The following SMIM21 variants were observed in gnomAD, a reference collection of about 807,000 sequenced individuals.
The protein encoded by SMIM21 is small integral membrane protein 21, also known as chromosome 18 open reading frame 62.
Under a neutral mutation model 8.6 loss-of-function variants are expected in SMIM21, and 8 were observed. The observed-to-expected ratio is 0.93, with a 90% CI of 0.55 to 1.68. The LOEUF (loss-of-function observed/expected upper bound fraction) is 1.68, where lower values mean the gene tolerates loss of function less well. Among genes scored for constraint, SMIM21 ranks in the 40% most tolerant of loss-of-function variants. SMIM21 has a pLI of 0.00. For synonymous variants in SMIM21, 43 were observed against 41.7 expected (o/e 1.03, Z -0.12); for missense variants, 132 against 123.0 (o/e 1.07, Z -0.35).
At chr18:75,416,611 A>G (rs180918722) in intron 2 of SMIM21, 1 of 152,184 alleles carries the variant, frequency 6.6e-6, no homozygotes, top group Non-Finnish European at 1.5e-5. Flanking sequence ...TTATTTTTAC[A>G]TTTAGGTCTT....
chr18:75,418,091 C>A (rs2024667577), intron 2 of SMIM21: 2 of 397,788 alleles, frequency 5.0e-6, no homozygotes, highest in South Asian at 2.6e-4. Context: ...CTTGGCTGCT[C>A]ATGTGAGTGG....
chr18:75,423,689 A>T (rs2024732307), intron 1 of SMIM21, among the ~76,000 whole-genome samples: 1 of 152,136 alleles, frequency 6.6e-6, no homozygotes, highest in South Asian at 2.1e-4. Flanking sequence ...ACAATCAGAA[A>T]ATATGGAGCC....
At chr18:75,416,461 T>C (rs551058612) in intron 2 of SMIM21, 18 of 152,338 alleles carry the variant, frequency 1.2e-4, no homozygotes, top group African/African-American at 3.8e-4. Context: ...GTTTGTCACT[T>C]ACGTTTTAAT....
chr18:75,417,204 G>A (rs146368285), intron 2 of SMIM21: 1 of 152,138 alleles, frequency 6.6e-6, no homozygotes, highest in Non-Finnish European at 1.5e-5. Context: ...AGCTTCCAGG[G>A]TGCATGGCCT....
intron 2 of SMIM21, among the ~76,000 whole-genome samples, chr18:75,414,122 T>TACACACAC (rs150399683): frequency 2.8e-5 from 4 of 145,348 alleles, no homozygotes; most frequent in Non-Finnish European, 6.1e-5. Context: ...CACACACACA[T>TACACACAC]ACACACACAC....
Position 75,410,563 on chromosome 18 carries a change from G to T in SMIM21, c.*301C>A. On this transcript the variant is annotated 3_prime_UTR_variant, in exon 3 of 3. Transcript: ENST00000579022. Reference sequence around the variant, plus strand: ...ACTACAGGCTTGATGTCCTAATGAAGAAGTTCTTTGCACTGCTGGATCTGT... The same window carrying T: ...ACTACAGGCTTGATGTCCTAATGAATAAGTTCTTTGCACTGCTGGATCTGT... The T allele has an allele frequency of 2.2e-6, 1 of 463,712 alleles. No homozygotes were observed. The highest frequency in any genetic ancestry group is 3.6e-6 in the Non-Finnish European group (1 of 277,800). The allele number at this position is 463,712 out of a possible 1,614,324, so 28.7% of individuals were successfully genotyped here. A position where few individuals can be genotyped will look rare whatever the true frequency, so the allele number is the denominator to read the frequency against.
intron 1 of SMIM21, among the ~76,000 whole-genome samples, chr18:75,422,686 T>C (rs538925741): frequency 1.4e-4 from 21 of 152,312 alleles, no homozygotes; most frequent in African/African-American, 5.1e-4. Context: ...TGGAAAACAT[T>C]ATACTTAGTG....
Position 75,410,850 on chromosome 18 carries a change from A to T in SMIM21, c.*14T>A. ...CCATGGTATGAAGGCCATGAGAGAGAAACGTAGTGTCATTTATTCTGCTTC... is the reference window on the plus strand; with the variant it reads ...CCATGGTATGAAGGCCATGAGAGAGTAACGTAGTGTCATTTATTCTGCTTC... On this transcript the variant is annotated 3_prime_UTR_variant, in exon 3 of 3. Transcript: ENST00000579022. 1 of 1,614,124 alleles carries T rather than the reference A, an allele frequency of 6.2e-7. No homozygotes were observed. The highest frequency in any genetic ancestry group is 8.5e-7 in the Non-Finnish European group (1 of 1,180,020).
intron 2 of SMIM21, among the ~76,000 whole-genome samples, chr18:75,414,094 C>T (rs891589425): frequency 2.2e-5 from 3 of 134,532 alleles, no homozygotes; most frequent in African/African-American, 5.7e-5. Flanking sequence ...CACACACACA[C>T]ACATACACAC....
chr18:75,426,526 G>A (rs1406696540), intron 1 of SMIM21, among the ~76,000 whole-genome samples: 2 of 150,522 alleles, frequency 1.3e-5, no homozygotes, highest in African/African-American at 2.4e-5. Flanking sequence ...AGCCAGGATA[G>A]TATCAATCTC....
chr18:75,417,614 GC>G (rs1224836674), intron 2 of SMIM21: 10 of 152,164 alleles, frequency 6.6e-5, no homozygotes, highest in Admixed American at 3.3e-4. Context: ...GACTATGCCT[GC>G]GTAATCACTC....
At chr18:75,421,271 T>C (rs1449062559) in intron 1 of SMIM21, among the ~76,000 whole-genome samples, 1 of 152,242 alleles carries the variant, frequency 6.6e-6, no homozygotes, top group African/African-American at 2.4e-5. Context: ...TGTGTAAACG[T>C]TGAACCCCAA....
chr18:75,427,327 GAGAC>G (rs2024774941), intron 1 of SMIM21, 104 bp downstream of exon 1: 1 of 1,251,640 alleles, frequency 8.0e-7, no homozygotes. Context: ...CTGGATTTGA[GAGAC>G]AGAGCACTCA....
At chr18:75,411,965 T>G (rs975621925) in intron 2 of SMIM21, among the ~76,000 whole-genome samples, 1 of 152,206 alleles carries the variant, frequency 6.6e-6, no homozygotes, top group African/African-American at 2.4e-5. Context: ...GAACAGATAT[T>G]AATAAATCAC....
At chr18:75,411,789 A>G (rs2024587497) in intron 2 of SMIM21, among the ~76,000 whole-genome samples, 1 of 152,252 alleles carries the variant, frequency 6.6e-6, no homozygotes, top group African/African-American at 2.4e-5. Context: ...AATTTTATTC[A>G]TAGGATTAAT....
At chr18:75,427,298 A>G (rs1045238585) in intron 1 of SMIM21, 137 bp downstream of exon 1, 32 of 1,068,806 alleles carry the variant, frequency 3.0e-5, no homozygotes, top group Admixed American at 2.3e-4. Context: ...TTGACGTCTC[A>G]TCTTAAACTT....
rs1449458595 is a variant in SMIM21, at chr18:75,409,759, T to A, written c.*1105A>T. On this transcript the variant is annotated 3_prime_UTR_variant, in exon 3 of 3. Coordinates refer to ENST00000579022, the MANE Select transcript of SMIM21 (RefSeq NM_001037331.3). ...GAGGCTGTGGTGTAAGAGTTACACC[T>A]CTGTCATTCCTCCACTTTGTTCCGG... The A allele has an allele frequency of 2.0e-5, 3 of 152,248 alleles. No individual in the cohort carries two copies. Among genetic ancestry groups the A allele is most frequent in the Admixed American group, 2.0e-4 (3 of 15,280 alleles). 9.4% of individuals were successfully genotyped at this position (152,248 alleles called of 1,614,324 possible).
At chr18:75,417,480 T>C (rs933667373) in intron 2 of SMIM21, 2 of 152,248 alleles carry the variant, frequency 1.3e-5, no homozygotes, top group South Asian at 4.1e-4. Flanking sequence ...GGAACAACTT[T>C]CCAGCCAACT....
At chr18:75,418,969 T>G in intron 1 of SMIM21, 53 bp from the exon 2 acceptor site, 1 of 1,211,200 alleles carries the variant, frequency 8.3e-7, no homozygotes, top group Non-Finnish European at 1.2e-6. Flanking sequence ...CTTTTCAAGC[T>G]TCATGCTACA....
Sources: allele counts gnomAD v4.1 joint callset (sites outside exome capture counted in the v4.1 genomes callset), GRCh38; gene constraint gnomAD v4.1.1; transcripts MANE v1.5; gene names NCBI Gene and HGNC (gene_info 2026-07-23, HGNC 2026-07-21).